The following FLRT2 variants were observed in gnomAD, a reference collection of about 807,000 sequenced individuals.
FLRT2 encodes fibronectin leucine rich transmembrane protein 2.
Under a neutral mutation model 40.0 loss-of-function variants are expected in FLRT2, and 15 were observed. The observed-to-expected ratio is 0.38, with a 90% confidence interval of 0.25 to 0.58. The LOEUF (loss-of-function observed/expected upper bound fraction) is 0.58. Ranked by LOEUF, FLRT2 falls within the 20% of genes least tolerant of loss-of-function variation. FLRT2 has a pLI of 0.71. For synonymous variants in FLRT2, 380 were observed against 336.8 expected, an observed-to-expected ratio of 1.13 and a Z score of -1.41; for missense variants, 726 against 840.0, an observed-to-expected ratio of 0.86 and a Z score of 1.68.
intron 1 of FLRT2, among the ~76,000 whole-genome samples, chr14:85,565,388 A>T (rs1890571890): frequency 6.6e-6 from 1 of 152,090 alleles, no homozygotes; most frequent in Non-Finnish European, 1.5e-5. Context: ...TGGATATGTG[A>T]CAGGTGGAAT....
At chr14:85,553,144 ATTAG>A (rs1476242963) in intron 1 of FLRT2, among the ~76,000 whole-genome samples, 1 of 152,210 alleles carries the variant, frequency 6.6e-6, no homozygotes, top group Non-Finnish European at 1.5e-5. Flanking sequence ...GAATATCTGC[ATTAG>A]TTATTGTTAT....
At position 85,649,688 on chromosome 14, in the gene FLRT2, C is replaced by T. The variant is rs891211858; in HGVS notation, c.*26191C>T. ...ATTTGTGATACTATCCACACTTTTC[C>T]TCACTATAAAATTTAATGAACCTTA... On this transcript the variant is annotated 3_prime_UTR_variant, in exon 2 of 2. Transcript: ENST00000330753. The T allele has an allele frequency of 6.6e-6, 1 of 151,990 alleles. No homozygotes were observed. Among genetic ancestry groups the T allele is most frequent in the Admixed American group, 6.6e-5 (1 of 15,232 alleles). 9.4% of individuals were successfully genotyped at this position (151,990 alleles called of 1,614,324 possible).
chr14:85,638,782 A>G lies in FLRT2; in HGVS notation c.*15285A>G, dbSNP rs907531397. 1.3e-5 allele frequency: 2 copies of G among 152,244 alleles called. No individual in the cohort carries two copies. Among genetic ancestry groups the G allele is most frequent in the African/African-American group, 4.8e-5 (2 of 41,460 alleles). The allele number at this position is 152,244 out of a possible 1,614,324, so 9.4% of individuals were successfully genotyped here. On this transcript the variant is annotated 3_prime_UTR_variant, in exon 2 of 2. Transcript: ENST00000330753. ...ATTTAAATGACGCACCTGAACATATATGAGGCCTAGATTTTGCTGCATGTC... is the reference window on the plus strand; with the variant it reads ...ATTTAAATGACGCACCTGAACATATGTGAGGCCTAGATTTTGCTGCATGTC...
chr14:85,583,923 G>T (rs1003438592), intron 1 of FLRT2, among the ~76,000 whole-genome samples: 1 of 150,086 alleles, frequency 6.7e-6, no homozygotes, highest in African/African-American at 2.5e-5. Context: ...CCAGGAGTTT[G>T]AAGCCAGCCT....
chr14:85,606,521 C>CTTTTTTTTTTTTTTTTTTTTTTTT (rs532159794), intron 1 of FLRT2, among the ~76,000 whole-genome samples: 1 of 99,988 alleles, frequency 1.0e-5, no homozygotes. Flanking sequence ...AGCTGTTACT[C>CTTTTTTTTTTTTTTTTTTTTTTTT]TTTTTTTTTT....
rs755015167 is a variant in FLRT2, at chr14:85,622,910, G to A, written c.1396G>A (p.Val466Ile). 21 of 1,614,068 alleles carry A rather than the reference G, an allele frequency of 1.3e-5. 1 individual carries two copies. The East Asian group carries it at 1.6e-4, about 12-fold the overall frequency. ...KMGHSLVGGI[V>I]QERIVSGEKQ... ...GGGCCACAGTTTAGTAGGGGGCATCGTTCAGGAGCGCATAGTCAGCGGTGA... is the reference window on the plus strand; with the variant it reads ...GGGCCACAGTTTAGTAGGGGGCATCATTCAGGAGCGCATAGTCAGCGGTGA... The change falls in exon 2 of 2, where the codon GTT becomes ATT. Residue 466 changes from valine (V) to isoleucine (I), a missense_variant. Physicochemically the swap from Val to Ile is conservative, Grantham distance 29 (BLOSUM62 3). Transcript: ENST00000330753.
intron 1 of FLRT2, among the ~76,000 whole-genome samples, chr14:85,586,424 A>T (rs530562253): frequency 9.2e-5 from 14 of 152,278 alleles, no homozygotes; most frequent in Middle Eastern, 3.4e-3. Flanking sequence ...CAGCTATGGA[A>T]AATGAATAAG....
chr14:85,630,733 T>C lies in FLRT2; in HGVS notation c.*7236T>C, dbSNP rs367636538. The C allele has an allele frequency of 4.6e-5, 7 of 152,158 alleles. No homozygotes were observed. Among genetic ancestry groups the C allele is most frequent in the African/African-American group, 1.4e-4 (6 of 41,426 alleles). 9.4% of individuals were successfully genotyped at this position (152,158 alleles called of 1,614,324 possible). ...TCCCAAAGTGCTGGGATTACAGGCA[T>C]GAGCCACACCACTGCATTTAAATAA... is the stretch of plus-strand genomic sequence containing the variant. On this transcript the variant is annotated 3_prime_UTR_variant, in exon 2 of 2. Coordinates refer to ENST00000330753, the MANE Select transcript of FLRT2 (RefSeq NM_013231.6).
At position 85,637,108 on chromosome 14, in the gene FLRT2, C is replaced by CATTT. The variant is rs1894028127; in HGVS notation, c.*13612_*13615dup. 6.6e-6 allele frequency: 1 copy of CATTT among 152,028 alleles called. No individual in the cohort carries two copies. Among genetic ancestry groups the CATTT allele is most frequent in the Admixed American group, 6.5e-5 (1 of 15,270 alleles). 9.4% of individuals were successfully genotyped at this position (152,028 alleles called of 1,614,324 possible). A position where few individuals can be genotyped will look rare whatever the true frequency, so the allele number is the denominator to read the frequency against. ...TGTTTTGTGGAGATAAATGTAAACA[C>CATTT]ATTTTACACATACAAATCTTTTCTG... On this transcript the variant is annotated 3_prime_UTR_variant, in exon 2 of 2. Transcript: ENST00000330753.
intron 1 of FLRT2, among the ~76,000 whole-genome samples, chr14:85,538,731 G>A (rs937766340): frequency 2.0e-5 from 3 of 152,114 alleles, no homozygotes; most frequent in African/African-American, 7.2e-5. Context: ...GGGAGCAAAA[G>A]AACAGTGGCT....
rs757592004 is a variant in FLRT2, at chr14:85,622,797, C to G, written c.1283C>G (p.Ser428Cys). Residue 428 changes from serine (S) to cysteine (C), a missense_variant, in exon 2 of 2, where the codon TCT becomes TGT. By Grantham distance (112) the Ser-to-Cys change is moderately radical. Around this residue, in one of 3 missense-constraint regions of FLRT2, gnomAD observed 611 missense variants for 690.0 expected, o/e 0.89. Coordinates refer to ENST00000330753, the MANE Select transcript of FLRT2 (RefSeq NM_013231.6). ...CCTATTTCTGAACGGATCCAGCTCT[C>G]TATCCATTTTGTGAATGATACTTCC... Reference protein sequence around the residue: ...TPPISERIQLSIHFVNDTSIQ... With the variant: ...TPPISERIQLCIHFVNDTSIQ... 1.2e-5 allele frequency: 19 copies of G among 1,614,086 alleles called. No individual in the cohort carries two copies. The highest frequency in any genetic ancestry group is 1.5e-5 in the Non-Finnish European group (18 of 1,180,036).
intron 1 of FLRT2, among the ~76,000 whole-genome samples, chr14:85,560,069 A>G (rs1890210816): frequency 6.6e-6 from 1 of 152,168 alleles, no homozygotes; most frequent in Non-Finnish European, 1.5e-5. Context: ...TCTGCCAGGC[A>G]TACCTTGTCT....
At chr14:85,575,710 G>C (rs1418100100) in intron 1 of FLRT2, among the ~76,000 whole-genome samples, 1 of 152,178 alleles carries the variant, frequency 6.6e-6, no homozygotes, top group Non-Finnish European at 1.5e-5. Context: ...TAAACCTCTA[G>C]AAGAGCTGCA....
rs1010830082 is a variant in FLRT2 at position 85,590,661 on chromosome 14, G to A, written c.-376-30478G>A. On this transcript the variant is annotated intron_variant, in intron 1 of 1. Coordinates refer to ENST00000330753, the MANE Select transcript of FLRT2 (RefSeq NM_013231.6). ...TTCGCCCAGGCTGGAGTGCAGTGGT[G>A]CGGTCTCGGCTCACTGCAACCTCTG... 2.6e-5 allele frequency among the ~76,000 whole-genome samples: 4 copies of A among 151,990 alleles called. No individual in the cohort carries two copies. In the East Asian group the frequency reaches 5.8e-4, roughly 22 times the overall value.
chr14:85,548,630 G>C (rs1015277234), intron 1 of FLRT2, among the ~76,000 whole-genome samples: 3 of 152,168 alleles, frequency 2.0e-5, no homozygotes, highest in African/African-American at 7.2e-5. Flanking sequence ...AAGACATCTG[G>C]ATGTTTTGGA....
chr14:85,618,883 G>C (rs1893256301), intron 1 of FLRT2, among the ~76,000 whole-genome samples: 1 of 152,096 alleles, frequency 6.6e-6, no homozygotes, highest in African/African-American at 2.4e-5. Flanking sequence ...TGAGTACCAA[G>C]ATGTTAGGGA....
chr14:85,582,425 T>C (rs1891430253), intron 1 of FLRT2, among the ~76,000 whole-genome samples: 1 of 152,116 alleles, frequency 6.6e-6, no homozygotes, highest in Non-Finnish European at 1.5e-5. Flanking sequence ...GATTTGTACT[T>C]AGTGTTTGTT....
intron 1 of FLRT2, among the ~76,000 whole-genome samples, chr14:85,606,700 T>C (rs774886484): frequency 6.6e-6 from 1 of 151,112 alleles, no homozygotes; most frequent in Non-Finnish European, 1.5e-5. Context: ...AATTTTTGTA[T>C]TTTTAGTGGA....
chr14:85,638,964 G>C lies in FLRT2; in HGVS notation c.*15467G>C, dbSNP rs576527746. On this transcript the variant is annotated 3_prime_UTR_variant, in exon 2 of 2. Coordinates refer to ENST00000330753, the MANE Select transcript of FLRT2 (RefSeq NM_013231.6). ...TAATCAATTCTTTGAACGAAGCCCA[G>C]TGAAACCAAGTTTATCAACTCTATC... is the stretch of plus-strand genomic sequence containing the variant. 6.6e-6 allele frequency: 1 copy of C among 152,298 alleles called. No homozygotes were observed. Among genetic ancestry groups the C allele is most frequent in the Non-Finnish European group, 1.5e-5 (1 of 68,030 alleles). The allele number at this position is 152,298 out of a possible 1,614,324, so 9.4% of individuals were successfully genotyped here. A position where few individuals can be genotyped will look rare whatever the true frequency, so the allele number is the denominator to read the frequency against.
Sources: gnomAD v4.1 joint callset for allele counts (sites outside exome capture counted in the v4.1 genomes callset) on GRCh38, gnomAD v4.1.1 for gene constraint, gnomAD v4.1.1 regional missense constraint, MANE v1.5 for transcripts, NCBI Gene and HGNC (gene_info 2026-07-23, HGNC 2026-07-21) for gene names.